The following PSTPIP2 variants were observed in gnomAD, a reference collection of about 807,000 sequenced individuals.
PSTPIP2 encodes proline-serine-threonine phosphatase interacting protein 2.
PSTPIP2 carries 33 observed loss-of-function variants against 63.3 expected under a neutral mutation model. The observed-to-expected ratio is 0.52, with a 90% CI of 0.40 to 0.70. The LOEUF (loss-of-function observed/expected upper bound fraction) is 0.70. PSTPIP2 is among the 30% of genes least tolerant of loss of function. The probability of loss-of-function intolerance (pLI) is 0.00; values close to 1 mark genes in which losing one functional copy is unlikely to be tolerated. For synonymous variants in PSTPIP2, 125 were observed against 132.7 expected (o/e 0.94, Z 0.40); for missense variants, 312 against 400.7 (o/e 0.78, Z 1.89).
intron 4 of PSTPIP2, among the ~76,000 whole-genome samples, chr18:46,011,789 A>G (rs929086292): frequency 1.3e-4 from 20 of 152,232 alleles, no homozygotes; most frequent in Non-Finnish European, 8.8e-5. Context: ...GATCTATACA[A>G]GGAGTATGGC....
At chr18:46,050,247 A>G (rs1319898646) in intron 1 of PSTPIP2, among the ~76,000 whole-genome samples, 1 of 152,202 alleles carries the variant, frequency 6.6e-6, no homozygotes. Context: ...AAAGATTTGT[A>G]CACAAGGATG....
intron 2 of PSTPIP2, among the ~76,000 whole-genome samples, chr18:46,039,437 C>T (rs1908106794): frequency 6.6e-6 from 1 of 152,092 alleles, no homozygotes. Context: ...CATCTGATTC[C>T]CACCTCAAGC....
chr18:46,066,895 C>G (rs1017403064), intron 1 of PSTPIP2, among the ~76,000 whole-genome samples: 1 of 151,970 alleles, frequency 6.6e-6, no homozygotes, highest in Non-Finnish European at 1.5e-5. Flanking sequence ...GGCGTGGTGG[C>G]GCATGCCTGT....
At chr18:46,027,617 G>A (rs1324855973) in intron 2 of PSTPIP2, among the ~76,000 whole-genome samples, 1 of 152,074 alleles carries the variant, frequency 6.6e-6, no homozygotes, top group Non-Finnish European at 1.5e-5. Context: ...TTGAGCCTGG[G>A]AGTTTGAGGC....
At position 45,998,841 on chromosome 18, in the gene PSTPIP2, TG is replaced by T. The variant is rs1427833427; in HGVS notation, c.517-3del. On this transcript the variant is annotated splice_region_variant and splice_polypyrimidine_tract_variant and intron_variant, in intron 7 of 14. Transcript: ENST00000409746. ...TGAAGTTGCCAGTTTCACAAAAAGC[TG>T]TGAAAACAAACAAACAAACAAAAAA... is the stretch of plus-strand genomic sequence containing the variant. 6.2e-7 allele frequency: 1 copy of T among 1,613,820 alleles called. No individual in the cohort carries two copies.
At chr18:45,997,885 T>A in intron 8 of PSTPIP2, 57 bp from the exon 9 acceptor site, 4 of 1,478,718 alleles carry the variant, frequency 2.7e-6, no homozygotes, top group Non-Finnish European at 3.8e-6. Flanking sequence ...GGCTCGCAGA[T>A]ACACCCACAG....
chr18:46,011,181 C>A lies in PSTPIP2; in HGVS notation c.354G>T (p.Lys118Asn). ...FREKQKLQRKKTELIMDAIHK... is the reference protein window; with the variant it reads ...FREKQKLQRKNTELIMDAIHK... ...ACCTTAACACGTATGCAAATCCAAC[C>A]TTTTTTCGTTGTAGTTTTTGCTTTT... is the stretch of plus-strand genomic sequence containing the variant. The change falls in exon 5 of 15, where the codon AAG becomes AAT. Residue 118 changes from lysine to asparagine, a missense_variant and splice_region_variant. Coordinates refer to ENST00000409746, the MANE Select transcript of PSTPIP2 (RefSeq NM_024430.4). The A allele has an allele frequency of 6.2e-7, 1 of 1,611,784 alleles. No homozygotes were observed. Among genetic ancestry groups the A allele is most frequent in the Non-Finnish European group, 8.5e-7 (1 of 1,177,976 alleles).
At chr18:46,059,050 T>C (rs1908888144) in intron 1 of PSTPIP2, among the ~76,000 whole-genome samples, 2 of 151,932 alleles carry the variant, frequency 1.3e-5, no homozygotes, top group African/African-American at 4.8e-5. Flanking sequence ...TTCTTTTTTT[T>C]TTGTGAGATA....
At chr18:46,059,124 C>T (rs1201355133) in intron 1 of PSTPIP2, among the ~76,000 whole-genome samples, 1 of 151,890 alleles carries the variant, frequency 6.6e-6, no homozygotes, top group African/African-American at 2.4e-5. Context: ...GCAACCTCCG[C>T]CTCCCAGGTT....
At chr18:46,018,680 T>C (rs1400898467) in intron 3 of PSTPIP2, among the ~76,000 whole-genome samples, 6 of 151,772 alleles carry the variant, frequency 4.0e-5, no homozygotes, top group Non-Finnish European at 8.8e-5. Context: ...AGATTTTTTT[T>C]CTCTGGTTTA....
chr18:45,996,984 G>A (rs535800185), intron 9 of PSTPIP2, among the ~76,000 whole-genome samples: 3 of 152,180 alleles, frequency 2.0e-5, no homozygotes, highest in African/African-American at 7.2e-5. Context: ...ATTCCCTTTA[G>A]AGCCTATTGA....
At chr18:46,023,791 C>G (rs1907470486) in intron 3 of PSTPIP2, among the ~76,000 whole-genome samples, 2 of 151,838 alleles carry the variant, frequency 1.3e-5, no homozygotes, top group Admixed American at 1.3e-4. Context: ...CTAATGGGGA[C>G]AAATAGGACA....
At position 46,009,387 on chromosome 18, in the gene PSTPIP2, A is replaced by C. The variant is rs927171310; in HGVS notation, c.354+1794T>G. Among the ~76,000 whole-genome samples, 104 of 110,318 alleles carry C rather than the reference A, an allele frequency of 9.4e-4. 4 individuals are homozygous for C. The highest frequency in any genetic ancestry group is 1.6e-3 in the Non-Finnish European group (86 of 54,606). 72.4% of individuals were successfully genotyped at this position (110,318 alleles called of 152,430 possible). On this transcript the variant is annotated intron_variant, in intron 5 of 14. Transcript: ENST00000409746. ...TAAAAAAAAAAAAAAAAAAAAAAAA[A>C]AAAACCTAGCTAAATACGGAAGTGG...
intron 14 of PSTPIP2, among the ~76,000 whole-genome samples, chr18:45,987,502 C>T (rs1412160052): frequency 4.8e-5 from 5 of 103,694 alleles, no homozygotes; most frequent in African/African-American, 2.2e-4. Context: ...AGAAGTGTAG[C>T]TCAGTCCACA....
At chr18:45,986,530 T>C (rs572245909) in intron 14 of PSTPIP2, among the ~76,000 whole-genome samples, 2 of 152,326 alleles carry the variant, frequency 1.3e-5, no homozygotes, top group East Asian at 3.9e-4. Context: ...TACACAGTGC[T>C]CCAGAGAGCA....
rs2051731292 is a variant in PSTPIP2, at chr18:46,006,620, C to T, written c.355-1089G>A. Among the ~76,000 whole-genome samples the T allele has an allele frequency of 2.0e-5, 3 of 151,942 alleles. No individual in the cohort carries two copies. In the South Asian group the frequency reaches 6.2e-4, roughly 32 times the overall value. On this transcript the variant is annotated intron_variant, in intron 5 of 14. Transcript: ENST00000409746. Reference sequence around the variant, plus strand: ...CGAACTGCTGACCTCATGATCCACCCACCTCGGCCTCCCAAAGTGCTGGGA... The same window carrying T: ...CGAACTGCTGACCTCATGATCCACCTACCTCGGCCTCCCAAAGTGCTGGGA...
chr18:46,063,667 T>A (rs1356752385), intron 1 of PSTPIP2, among the ~76,000 whole-genome samples: 1 of 151,966 alleles, frequency 6.6e-6, no homozygotes, highest in Non-Finnish European at 1.5e-5. Flanking sequence ...ATATATATTT[T>A]AAAATATGCA....
chr18:46,002,926 G>A (rs498972), intron 6 of PSTPIP2, among the ~76,000 whole-genome samples: 105,209 of 152,186 alleles, frequency 0.69, 37,658 homozygotes, highest in African/African-American at 0.88. Flanking sequence ...ATGGAGTTTC[G>A]TATCTTTCTG....
chr18:46,065,692 C>T (rs929856680), intron 1 of PSTPIP2, among the ~76,000 whole-genome samples: 4 of 152,182 alleles, frequency 2.6e-5, no homozygotes, highest in African/African-American at 9.7e-5. Context: ...GTCTCGAACT[C>T]CGGACCTTGT....
Sources: allele counts gnomAD v4.1 joint callset (sites outside exome capture counted in the v4.1 genomes callset), GRCh38; gene constraint gnomAD v4.1.1; transcripts MANE v1.5; gene names NCBI Gene and HGNC (gene_info 2026-07-23, HGNC 2026-07-21).